Variants in CCND1 observed in about 807,000 individuals in gnomAD.
CCND1 encodes G1/S-specific cyclin-D1.
In CCND1, 9 loss-of-function variants were observed where a neutral mutation model predicts 26.1. That is an observed-to-expected ratio of 0.35 (90% CI 0.21 to 0.60). The LOEUF (loss-of-function observed/expected upper bound fraction) is 0.60, where lower values mean the gene tolerates loss of function less well. Ranked by LOEUF, CCND1 falls within the 20% of genes least tolerant of loss-of-function variation. The probability of loss-of-function intolerance (pLI) is 0.79; values close to 1 mark genes in which losing one functional copy is unlikely to be tolerated. For missense variants in CCND1, 335 were observed against 392.9 expected (o/e 0.85, Z 1.25); for synonymous variants, 194 against 166.1 (o/e 1.17, Z -1.29).
At position 69,641,443 on chromosome 11, in the gene CCND1, T is replaced by C. The variant is rs1855698528; in HGVS notation, c.130T>C (p.Tyr44His). 1 of 1,613,460 alleles carries C rather than the reference T, an allele frequency of 6.2e-7. No homozygotes were observed. Among genetic ancestry groups the C allele is most frequent in the Non-Finnish European group, 8.5e-7 (1 of 1,180,022 alleles). ...AEETCAPSVS[Y>H]FKCVQKEVLP... ...GGAGACCTGCGCGCCCTCGGTGTCC[T>C]ACTTCAAATGTGTGCAGAAGGAGGT... Residue 44 changes from tyrosine (Y) to histidine (H), a missense_variant, in exon 1 of 5, where the codon TAC (tyrosine) becomes CAC (histidine). Tyr to His is a moderately conservative substitution (Grantham distance 83). Transcript: ENST00000227507.
At position 69,645,870 on chromosome 11, in the gene CCND1, C is replaced by T. The variant is rs543484882; in HGVS notation, c.574+1879C>T. ...GGTGTGCACATGCTGCATACACTCA[C>T]GCATGGGGGTTTCAGGGCAGGTGCG... is the stretch of plus-strand genomic sequence containing the variant. On this transcript the variant is annotated intron_variant, in intron 3 of 4. Transcript: ENST00000227507. Among the ~76,000 whole-genome samples the T allele has an allele frequency of 1.4e-4, 21 of 152,328 alleles. 1 individual carries two copies. The highest frequency in any genetic ancestry group is 2.1e-4 in the South Asian group (1 of 4,830).
intron 3 of CCND1, among the ~76,000 whole-genome samples, chr11:69,646,377 C>T (rs912431077): frequency 2.0e-5 from 3 of 152,152 alleles, no homozygotes; most frequent in Non-Finnish European, 4.4e-5. Flanking sequence ...TGCCTTTCTT[C>T]CCGGCCCCTC....
In CCND1 at chr11:69,643,890, A is replaced by C. The variant is rs2120094041; in HGVS notation, c.473A>C (p.His158Pro). The change falls in exon 3 of 5, where the codon CAC becomes CCC. Residue 158 changes from histidine to proline, a missense_variant. His to Pro is a moderately conservative substitution (Grantham distance 77). Transcript: ENST00000227507. ...TGGAACCTGGCCGCAATGACCCCGC[A>C]CGATTTCATTGAACACTTCCTCTCC... ...LKWNLAAMTP[H>P]DFIEHFLSKM... 6.2e-7 allele frequency: 1 copy of C among 1,613,600 alleles called. No homozygotes were observed.
rs1474879841 is a variant in CCND1, at chr11:69,653,563, C to G, written c.*2281C>G. ...TTCTGCCTGCTTTGGCGGGCAGACA[C>G]GCGGGCGCGATCCCACACAGGCTGG... On this transcript the variant is annotated 3_prime_UTR_variant, in exon 5 of 5. Coordinates refer to ENST00000227507, the MANE Select transcript of CCND1 (RefSeq NM_053056.3). The G allele has an allele frequency of 1.1e-5, 6 of 538,076 alleles. No individual in the cohort carries two copies. Among genetic ancestry groups the G allele is most frequent in the Non-Finnish European group, 2.0e-5 (6 of 307,038 alleles). 33.3% of individuals were successfully genotyped at this position (538,076 alleles called of 1,614,324 possible). A position where few individuals can be genotyped will look rare whatever the true frequency, so the allele number is the denominator to read the frequency against.
At chr11:69,649,248 T>C (rs1406011290) in intron 4 of CCND1, among the ~76,000 whole-genome samples, 1 of 152,220 alleles carries the variant, frequency 6.6e-6, no homozygotes, top group Non-Finnish European at 1.5e-5. Flanking sequence ...AACTCGCGTC[T>C]GCACTTTTCA....
Position 69,653,551 on chromosome 11 carries a change from G to A in CCND1, c.*2269G>A, listed in dbSNP as rs1855882479. The A allele has an allele frequency of 1.8e-6, 1 of 546,570 alleles. No homozygotes were observed. The highest frequency in any genetic ancestry group is 3.2e-6 in the Non-Finnish European group (1 of 312,608). 33.9% of individuals were successfully genotyped at this position (546,570 alleles called of 1,614,324 possible). On this transcript the variant is annotated 3_prime_UTR_variant, in exon 5 of 5. Transcript: ENST00000227507. ...CCAGCGGGCAGGTTCTGCCTGCTTT[G>A]GCGGGCAGACACGCGGGCGCGATCC...
rs567650296 is a variant in CCND1 at position 69,641,263 on chromosome 11, A to T, written c.-51A>T. ...CAGCAGAAGCGAGAGCCGAGCGCGG[A>T]CCCAGCCAGGACCCACAGCCCTCCC... On this transcript the variant is annotated 5_prime_UTR_variant, in exon 1 of 5. Coordinates refer to ENST00000227507, the MANE Select transcript of CCND1 (RefSeq NM_053056.3). 1.9e-6 allele frequency: 3 copies of T among 1,550,024 alleles called. No homozygotes were observed. The South Asian group carries it at 3.3e-5, about 17-fold the overall frequency.
chr11:69,643,336 C>G (rs1398088452), intron 2 of CCND1, 90 bp downstream of exon 2: 14 of 1,063,444 alleles, frequency 1.3e-5, no homozygotes, highest in Non-Finnish European at 1.7e-5. Flanking sequence ...GCGGCCGGCC[C>G]GCCTCTGACA....
chr11:69,646,742 G>A (rs926381677), intron 3 of CCND1, among the ~76,000 whole-genome samples: 2 of 152,260 alleles, frequency 1.3e-5, no homozygotes, highest in African/African-American at 4.8e-5. Context: ...GTCCACGGTA[G>A]GCGCATGACT....
chr11:69,641,686 A>C (rs1333793786), intron 1 of CCND1, among the ~76,000 whole-genome samples, 175 bp downstream of exon 1: 1 of 151,554 alleles, frequency 6.6e-6, no homozygotes. Flanking sequence ...CTGAAGGAGG[A>C]AGGGGTGGGG....
At chr11:69,641,828 T>G (rs1360906095) in intron 1 of CCND1, among the ~76,000 whole-genome samples, 2 of 151,686 alleles carry the variant, frequency 1.3e-5, no homozygotes, top group Non-Finnish European at 2.9e-5. Flanking sequence ...GTGCGCTTTG[T>G]GTCCCCCGCC....
intron 1 of CCND1, 24 bp downstream of exon 1, chr11:69,641,535 T>A: frequency 1.2e-6 from 2 of 1,608,194 alleles, no homozygotes; most frequent in Non-Finnish European, 1.7e-6. Context: ...GGCGGCTCTC[T>A]TAAGACTTCC....
intron 4 of CCND1, among the ~76,000 whole-genome samples, chr11:69,649,775 G>A (rs1270789981): frequency 1.3e-5 from 2 of 152,162 alleles, no homozygotes; most frequent in African/African-American, 4.8e-5. Flanking sequence ...GGCGAGGGAC[G>A]GGCCGCAGGT....
In CCND1 at chr11:69,652,692, A is replaced by C. The variant is rs1855869049; in HGVS notation, c.*1410A>C. Reference sequence around the variant, plus strand: ...CACTAAAATATATAATTTATAGTTAAGGCTAAAAAGTATATTTATTGCAGA... The same window carrying C: ...CACTAAAATATATAATTTATAGTTACGGCTAAAAAGTATATTTATTGCAGA... On this transcript the variant is annotated 3_prime_UTR_variant, in exon 5 of 5. Coordinates refer to ENST00000227507, the MANE Select transcript of CCND1 (RefSeq NM_053056.3). 4.3e-6 allele frequency: 1 copy of C among 233,188 alleles called. No individual in the cohort carries two copies. Among genetic ancestry groups the C allele is most frequent in the Admixed American group, 5.6e-5 (1 of 17,770 alleles). 14.4% of individuals were successfully genotyped at this position (233,188 alleles called of 1,614,324 possible). A position where few individuals can be genotyped will look rare whatever the true frequency, so the allele number is the denominator to read the frequency against.
Position 69,652,062 on chromosome 11 carries a change from G to A in CCND1, c.*780G>A, listed in dbSNP as rs1009238475. On this transcript the variant is annotated 3_prime_UTR_variant, in exon 5 of 5. Transcript: ENST00000227507. The stretch of plus-strand genomic sequence containing the variant: ...GGAGGTTTGTCGGGCACCAGCCAGC[G>A]TAGCAGGGTCGGGAAAGGCCACCTG... 8.6e-6 allele frequency: 2 copies of A among 233,366 alleles called. No individual in the cohort carries two copies. The highest frequency in any genetic ancestry group is 1.7e-5 in the Non-Finnish European group (2 of 118,040). The allele number at this position is 233,366 out of a possible 1,614,324, so 14.5% of individuals were successfully genotyped here.
chr11:69,646,678 G>A (rs1855786037), intron 3 of CCND1, among the ~76,000 whole-genome samples: 1 of 152,126 alleles, frequency 6.6e-6, no homozygotes, highest in African/African-American at 2.4e-5. Context: ...GCTGCCCCCA[G>A]GCTCCGCTGG....
At position 69,652,839 on chromosome 11, in the gene CCND1, G is replaced by A. The variant is rs868561360; in HGVS notation, c.*1557G>A. The A allele has an allele frequency of 2.0e-5, 5 of 247,588 alleles. No individual in the cohort carries two copies. The highest frequency in any genetic ancestry group is 1.1e-4 in the Admixed American group (2 of 18,784). 15.3% of individuals were successfully genotyped at this position (247,588 alleles called of 1,614,324 possible). A position where few individuals can be genotyped will look rare whatever the true frequency, so the allele number is the denominator to read the frequency against. ...CCTTTGATGTTACAGATTTAATACA[G>A]TTTATTTTTAAAGATAGATCCTTTT... is the stretch of plus-strand genomic sequence containing the variant. On this transcript the variant is annotated 3_prime_UTR_variant, in exon 5 of 5. Coordinates refer to ENST00000227507, the MANE Select transcript of CCND1 (RefSeq NM_053056.3).
In CCND1 at chr11:69,654,120, A is replaced by ACCCCC; in HGVS notation, c.*2842_*2843insCCCCC. The ACCCCC allele has an allele frequency of 3.7e-5, 17 of 458,646 alleles. No homozygotes were observed. The highest frequency in any genetic ancestry group is 3.7e-5 in the Non-Finnish European group (9 of 241,242). The allele number at this position is 458,646 out of a possible 1,614,324, so 28.4% of individuals were successfully genotyped here. A position where few individuals can be genotyped will look rare whatever the true frequency, so the allele number is the denominator to read the frequency against. On this transcript the variant is annotated 3_prime_UTR_variant, in exon 5 of 5. Coordinates refer to ENST00000227507, the MANE Select transcript of CCND1 (RefSeq NM_053056.3). The surrounding 1 kb of genome is among the most constrained non-coding windows in gnomAD (Gnocchi z 6.3). ...CGGAGGCCATCTCGGGCACAGGCCCACCCCGCCCCACCCCTCCAGAACACG... is the reference window on the plus strand; with the variant it reads ...CGGAGGCCATCTCGGGCACAGGCCCACCCCCCCCCGCCCCACCCCTCCAGAACACG...
intron 3 of CCND1, among the ~76,000 whole-genome samples, chr11:69,646,005 C>T (rs1024755749): frequency 6.6e-6 from 1 of 152,148 alleles, no homozygotes; most frequent in Non-Finnish European, 1.5e-5. Context: ...AATCCTGGAG[C>T]TTTGGTGTCT....
Sources: allele counts gnomAD v4.1 joint callset (sites outside exome capture counted in the v4.1 genomes callset), GRCh38; gene constraint gnomAD v4.1.1; non-coding constraint Gnocchi (gnomAD v3.1); transcripts MANE v1.5; gene names NCBI Gene and HGNC (gene_info 2026-07-23, HGNC 2026-07-21).